Variants in MACROD2 observed in about 807,000 individuals in gnomAD.
The protein encoded by MACROD2 is mono-ADP ribosylhydrolase 2, also known as ADP-ribose glycohydrolase MACROD2.
In MACROD2, 36 loss-of-function variants were observed where a neutral mutation model predicts 70.4. The observed-to-expected ratio is 0.51, with a 90% CI of 0.39 to 0.68. The LOEUF (loss-of-function observed/expected upper bound fraction) is 0.68. Ranked by LOEUF, MACROD2 falls within the 30% of genes least tolerant of loss-of-function variation. The pLI, the probability that MACROD2 is intolerant of heterozygous loss-of-function variation, is 0.00. For missense variants in MACROD2, 496 were observed against 538.4 expected (o/e 0.92, Z 0.78); for synonymous variants, 172 against 178.8 (o/e 0.96, Z 0.30).
intron 5 of MACROD2, among the ~76,000 whole-genome samples, chr20:15,113,874 G>C (rs1443772147): frequency 2.0e-5 from 3 of 151,816 alleles, no homozygotes; most frequent in Non-Finnish European, 4.4e-5. Context: ...TTTGAAGGGG[G>C]AAAGCTCCAA....
At chr20:14,057,774 T>C (rs2053647401) in intron 2 of MACROD2, among the ~76,000 whole-genome samples, 1 of 152,132 alleles carries the variant, frequency 6.6e-6, no homozygotes, top group Non-Finnish European at 1.5e-5. Context: ...AAAATGGCCA[T>C]CAGCAGTAAA....
At chr20:15,946,811 C>A (rs2065829989) in intron 12 of MACROD2, among the ~76,000 whole-genome samples, 1 of 152,300 alleles carries the variant, frequency 6.6e-6, no homozygotes, top group East Asian at 1.9e-4. Flanking sequence ...AGGACCTGCA[C>A]AGGCACCGGT....
chr20:14,490,237 T>C (rs4814307), intron 3 of MACROD2, among the ~76,000 whole-genome samples: 124,618 of 152,108 alleles, frequency 0.82, 51,451 homozygotes, highest in East Asian at 1. Context: ...AAAAAATTCT[T>C]ATAAACTTTA....
intron 6 of MACROD2, among the ~76,000 whole-genome samples, chr20:15,308,334 G>A (rs1041501390): frequency 7.9e-5 from 12 of 151,922 alleles, no homozygotes; most frequent in Non-Finnish European, 1.5e-4. Flanking sequence ...CTTACAAAGC[G>A]CTTACTGAAC....
intron 3 of MACROD2, among the ~76,000 whole-genome samples, chr20:14,267,920 A>G (rs1022662984): frequency 2.0e-5 from 3 of 152,082 alleles, no homozygotes; most frequent in Non-Finnish European, 2.9e-5. Context: ...AGCCAGAAAA[A>G]AGAAATAGGA....
intron 5 of MACROD2, among the ~76,000 whole-genome samples, chr20:14,848,463 G>A (rs2073165718): frequency 6.6e-6 from 1 of 151,764 alleles, no homozygotes; most frequent in African/African-American, 2.4e-5. Flanking sequence ...TTTTCTTTGA[G>A]TATGCTGTTT....
At chr20:14,560,055 T>A (rs906321412) in intron 4 of MACROD2, among the ~76,000 whole-genome samples, 3 of 151,868 alleles carry the variant, frequency 2.0e-5, no homozygotes, top group African/African-American at 7.2e-5. Context: ...CAAGCTCTAC[T>A]GCTTAGTTCT....
At chr20:15,126,672 T>C (rs2076069479) in intron 5 of MACROD2, among the ~76,000 whole-genome samples, 2 of 152,206 alleles carry the variant, frequency 1.3e-5, no homozygotes, top group Non-Finnish European at 2.9e-5. Flanking sequence ...CAAGAGAAGA[T>C]ATGTAGTACC....
At position 14,853,173 on chromosome 20, in the gene MACROD2, C is replaced by CTGTGTGTGTGTGTGTG. The variant is rs147348353; in HGVS notation, c.418+168226_418+168241dup. Among the ~76,000 whole-genome samples, 41 of 149,346 alleles carry CTGTGTGTGTGTGTGTG rather than the reference C, an allele frequency of 2.7e-4. No homozygotes were observed. In the South Asian group the frequency reaches 3.2e-3, roughly 12 times the overall value. ...GTGTGAACAGTGTGTGTGTGTGTGTCTGTGTGTGTGTGTGTGTGTGTGTGT... is the reference window on the plus strand; with the variant it reads ...GTGTGAACAGTGTGTGTGTGTGTGTCTGTGTGTGTGTGTGTGTGTGTGTGTGTGTGTGTGTGTGTGT... On this transcript the variant is annotated intron_variant, in intron 5 of 17. Coordinates refer to ENST00000684519, the MANE Select transcript of MACROD2 (RefSeq NM_001351661.2).
chr20:15,007,389 A>AAC (rs151122793), intron 5 of MACROD2, among the ~76,000 whole-genome samples: 2 of 151,460 alleles, frequency 1.3e-5, no homozygotes, highest in Admixed American at 6.6e-5. Flanking sequence ...CAAAAAAAAA[A>AAC]CACAAAAAAG....
chr20:15,968,638 T>A (rs1313049765), intron 13 of MACROD2, among the ~76,000 whole-genome samples: 2 of 151,622 alleles, frequency 1.3e-5, no homozygotes, highest in Non-Finnish European at 2.9e-5. Flanking sequence ...TCTTTAACTT[T>A]GAAATTTATA....
intron 5 of MACROD2, among the ~76,000 whole-genome samples, chr20:15,049,339 G>A (rs565535990): frequency 1.3e-5 from 2 of 151,882 alleles, no homozygotes; most frequent in African/African-American, 2.4e-5. Context: ...AGAAAAAAGA[G>A]GAGAGAGACT....
At chr20:15,783,528 A>G (rs1166746548) in intron 8 of MACROD2, among the ~76,000 whole-genome samples, 3 of 152,122 alleles carry the variant, frequency 2.0e-5, no homozygotes, top group Admixed American at 2.0e-4. Flanking sequence ...CTCCTGGTTT[A>G]GTCACCTATA....
chr20:14,479,310 T>C (rs2084635168), intron 3 of MACROD2, among the ~76,000 whole-genome samples: 1 of 152,156 alleles, frequency 6.6e-6, no homozygotes, highest in African/African-American at 2.4e-5. Flanking sequence ...TGATGCCCCG[T>C]GCTGGTGCTG....
intron 3 of MACROD2, among the ~76,000 whole-genome samples, chr20:14,348,519 CT>C (rs1316707727): frequency 6.6e-6 from 1 of 151,092 alleles, no homozygotes; most frequent in South Asian, 2.1e-4. Context: ...CTTCCTTCAA[CT>C]TGTCTTTTAT....
intron 5 of MACROD2, among the ~76,000 whole-genome samples, chr20:14,827,979 CCTT>C (rs1260822734): frequency 2.0e-5 from 3 of 151,756 alleles, no homozygotes; most frequent in African/African-American, 7.3e-5. Context: ...CTTTTGTTTT[CCTT>C]CTTTTAAAAT....
chr20:15,921,151 G>A (rs961940983), intron 10 of MACROD2, among the ~76,000 whole-genome samples: 1 of 152,104 alleles, frequency 6.6e-6, no homozygotes, highest in African/African-American at 2.4e-5. Flanking sequence ...CTCACTCCCA[G>A]CAAAGGGCAC....
chr20:15,479,213 T>C (rs2047061435), intron 7 of MACROD2, among the ~76,000 whole-genome samples: 1 of 151,192 alleles, frequency 6.6e-6, no homozygotes, highest in Admixed American at 6.6e-5. Flanking sequence ...GCTAGGTATC[T>C]AATCTAACCT....
Position 14,373,389 on chromosome 20 carries a change from A to T in MACROD2, c.272-120090A>T, listed in dbSNP as rs138421227. 5.9e-4 allele frequency among the ~76,000 whole-genome samples: 90 copies of T among 152,344 alleles called. 1 individual carries two copies. In the East Asian group the frequency reaches 0.017, roughly 28 times the overall value. On this transcript the variant is annotated intron_variant, in intron 3 of 17. Transcript: ENST00000684519. The stretch of plus-strand genomic sequence containing the variant: ...TTTAGACCAAAATAGGTTGTATTAT[A>T]TACAAAAATAATGGCAAATGTTATG...
Sources: allele counts gnomAD v4.1 joint callset (sites outside exome capture counted in the v4.1 genomes callset), GRCh38; gene constraint gnomAD v4.1.1; transcripts MANE v1.5; gene names NCBI Gene and HGNC (gene_info 2026-07-23, HGNC 2026-07-21).